The following MACROD2 variants were observed in gnomAD, a reference collection of about 807,000 sequenced individuals.
MACROD2 encodes the protein mono-ADP ribosylhydrolase 2.
In MACROD2, 36 loss-of-function variants were observed where a neutral mutation model predicts 70.4. The observed-to-expected ratio is 0.51, with a 90% CI of 0.39 to 0.68. MACROD2 has a LOEUF of 0.68. Among genes scored for constraint, MACROD2 ranks in the 30% least tolerant of loss-of-function variants. The pLI, the probability that MACROD2 is intolerant of heterozygous loss-of-function variation, is 0.00. For missense variants in MACROD2, 496 were observed against 538.4 expected (o/e 0.92, Z 0.78); for synonymous variants, 172 against 178.8 (o/e 0.96, Z 0.30).
chr20:15,716,463 C>T (rs952808848), intron 8 of MACROD2, among the ~76,000 whole-genome samples: 11 of 152,194 alleles, frequency 7.2e-5, no homozygotes, highest in Non-Finnish European at 1.3e-4. Flanking sequence ...CCAACTAAAG[C>T]AGCTGGGAGC....
chr20:15,872,689 C>T (rs1365434259), intron 9 of MACROD2, among the ~76,000 whole-genome samples: 1 of 152,050 alleles, frequency 6.6e-6, no homozygotes, highest in Non-Finnish European at 1.5e-5. Flanking sequence ...AGTAGTTCAA[C>T]TTTTGTAATC....
chr20:14,572,690 T>A (rs186432791), intron 4 of MACROD2, among the ~76,000 whole-genome samples: 10 of 152,090 alleles, frequency 6.6e-5, no homozygotes. Context: ...TGGTTACCAT[T>A]GGGGGTTTGT....
At chr20:15,367,195 T>G (rs1366921199) in intron 6 of MACROD2, among the ~76,000 whole-genome samples, 3 of 151,810 alleles carry the variant, frequency 2.0e-5, no homozygotes, top group Non-Finnish European at 4.4e-5. Flanking sequence ...GCCCGGCTAA[T>G]TTTTGTATTT....
intron 5 of MACROD2, among the ~76,000 whole-genome samples, chr20:14,975,417 G>T (rs1204878755): frequency 6.6e-6 from 1 of 152,144 alleles, no homozygotes; most frequent in Non-Finnish European, 1.5e-5. Flanking sequence ...GCAGGCTGGG[G>T]CGGGCAGGTG....
intron 13 of MACROD2, among the ~76,000 whole-genome samples, chr20:15,978,580 GGGTCT>G (rs2066345393): frequency 8.4e-6 from 1 of 118,800 alleles, no homozygotes; most frequent in Non-Finnish European, 1.8e-5. Context: ...GCCTGACCTT[GGGTCT>G]CTCTCTCTCT....
chr20:14,551,264 G>A (rs1978634526), intron 4 of MACROD2, among the ~76,000 whole-genome samples: 1 of 152,126 alleles, frequency 6.6e-6, no homozygotes, highest in Non-Finnish European at 1.5e-5. Flanking sequence ...TAGTTGTAGA[G>A]TATAGTGTAA....
intron 8 of MACROD2, among the ~76,000 whole-genome samples, chr20:15,837,668 G>T (rs903174164): frequency 4.6e-5 from 7 of 151,974 alleles, no homozygotes; most frequent in Admixed American, 2.0e-4. Flanking sequence ...AACTTGATTT[G>T]CCCCATATTA....
intron 3 of MACROD2, among the ~76,000 whole-genome samples, chr20:14,194,547 C>G (rs576584451): frequency 6.6e-6 from 1 of 152,220 alleles, no homozygotes; most frequent in African/African-American, 2.4e-5. Flanking sequence ...AAGCAGGAAG[C>G]TCAAATTGTG....
intron 5 of MACROD2, among the ~76,000 whole-genome samples, chr20:15,162,038 G>A (rs1601160685): frequency 6.6e-6 from 1 of 151,174 alleles, no homozygotes; most frequent in East Asian, 2.0e-4. Context: ...AACCATCTTA[G>A]AAATAAAGAA....
chr20:14,274,681 C>T (rs1327038062), intron 3 of MACROD2, among the ~76,000 whole-genome samples: 2 of 152,012 alleles, frequency 1.3e-5, no homozygotes, highest in Non-Finnish European at 2.9e-5. Flanking sequence ...AAAGTGTATT[C>T]AATTAGGAAA....
At chr20:14,561,395 A>G (rs1317678940) in intron 4 of MACROD2, among the ~76,000 whole-genome samples, 4 of 151,820 alleles carry the variant, frequency 2.6e-5, no homozygotes, top group African/African-American at 4.8e-5. Flanking sequence ...GCTTAGGAAA[A>G]TATTTTGAAA....
At chr20:14,494,406 C>T (rs540696115) in intron 4 of MACROD2, among the ~76,000 whole-genome samples, 2 of 152,120 alleles carry the variant, frequency 1.3e-5, no homozygotes, top group South Asian at 4.1e-4. Context: ...CTTTGTTTCT[C>T]TGTAAGAACA....
intron 3 of MACROD2, among the ~76,000 whole-genome samples, chr20:14,426,164 G>A (rs1213849155): frequency 6.6e-6 from 1 of 151,892 alleles, no homozygotes; most frequent in African/African-American, 2.4e-5. Flanking sequence ...CACTCCTCTT[G>A]TTTATCTTTG....
At chr20:14,500,061 G>C (rs1689713313) in intron 4 of MACROD2, among the ~76,000 whole-genome samples, 1 of 152,188 alleles carries the variant, frequency 6.6e-6, no homozygotes, top group Non-Finnish European at 1.5e-5. Flanking sequence ...GAGCAGTCTT[G>C]AATGATGAGT....
At chr20:14,424,502 T>C (rs575042542) in intron 3 of MACROD2, among the ~76,000 whole-genome samples, 22 of 152,304 alleles carry the variant, frequency 1.4e-4, no homozygotes, top group Admixed American at 7.2e-4. Flanking sequence ...TTAATATTTA[T>C]TTTTGGGGAA....
chr20:14,615,158 C>T (rs1444167667), intron 4 of MACROD2, among the ~76,000 whole-genome samples: 3 of 152,052 alleles, frequency 2.0e-5, no homozygotes, highest in African/African-American at 7.2e-5. Flanking sequence ...CTGCAGGGGG[C>T]CAGGTTTTTA....
chr20:15,971,443 G>A (rs2066229051), intron 13 of MACROD2, among the ~76,000 whole-genome samples: 2 of 152,146 alleles, frequency 1.3e-5, no homozygotes, highest in Admixed American at 1.3e-4. Flanking sequence ...TCTCTTGCCT[G>A]CCACCATGTA....
intron 3 of MACROD2, among the ~76,000 whole-genome samples, chr20:14,297,262 A>G (rs2082435570): frequency 6.6e-6 from 1 of 151,936 alleles, no homozygotes; most frequent in Admixed American, 6.6e-5. Flanking sequence ...TAGATGTTCA[A>G]ATAAAAGGAA....
Position 15,639,446 on chromosome 20 carries a change from T to A in MACROD2, c.645+139599T>A, listed in dbSNP as rs528233808. ...TCCTTATCTTGAGACTGCCCGGGAG[T>A]TCCTACTCCCTACTCTCCTCAGCCC... On this transcript the variant is annotated intron_variant, in intron 8 of 17. Coordinates refer to ENST00000684519, the MANE Select transcript of MACROD2 (RefSeq NM_001351661.2). Among the ~76,000 whole-genome samples, 3 of 152,144 alleles carry A rather than the reference T, an allele frequency of 2.0e-5. 1 individual carries two copies. The highest frequency in any genetic ancestry group is 7.2e-5 in the African/African-American group (3 of 41,494).
Sources: allele counts gnomAD v4.1 joint callset (sites outside exome capture counted in the v4.1 genomes callset), GRCh38; gene constraint gnomAD v4.1.1; transcripts MANE v1.5; gene names NCBI Gene and HGNC (gene_info 2026-07-23, HGNC 2026-07-21).